LRFN5: variants seen among roughly 807,000 people sequenced by gnomAD.
LRFN5 encodes the protein leucine-rich repeat and fibronectin type-III domain-containing protein 5.
In LRFN5, 24 loss-of-function variants were observed where a neutral mutation model predicts 45.6. That is an observed-to-expected ratio of 0.53 (90% confidence interval 0.38 to 0.74). LRFN5 has a LOEUF of 0.74. LRFN5 is among the 30% of genes least tolerant of loss of function. The probability of loss-of-function intolerance (pLI) is 0.00; values close to 1 mark genes in which losing one functional copy is unlikely to be tolerated. For missense variants in LRFN5, 776 were observed against 861.5 expected (o/e 0.90, Z 1.24); for synonymous variants, 340 against 313.8 (o/e 1.08, Z -0.88).
At chr14:41,819,200 G>T (rs1888027464) in intron 2 of LRFN5, among the ~76,000 whole-genome samples, 1 of 152,106 alleles carries the variant, frequency 6.6e-6, no homozygotes, top group South Asian at 2.1e-4. Flanking sequence ...ACCAGTGCAG[G>T]TGTCACTTTT....
intron 2 of LRFN5, among the ~76,000 whole-genome samples, chr14:41,837,194 C>CAAAAAA (rs5808157): frequency 1.0e-3 from 76 of 75,358 alleles, no homozygotes; most frequent in Non-Finnish European, 1.2e-3. Context: ...ACACACTCCA[C>CAAAAAA]AAAAAAAAAA....
intron 2 of LRFN5, among the ~76,000 whole-genome samples, chr14:41,825,242 A>G (rs1469349963): frequency 6.6e-6 from 1 of 152,122 alleles, no homozygotes; most frequent in Non-Finnish European, 1.5e-5. Context: ...CCATCCACAG[A>G]CGCTTTTGCG....
intron 1 of LRFN5, among the ~76,000 whole-genome samples, chr14:41,721,298 A>G (rs148612266): frequency 6.6e-6 from 1 of 152,164 alleles, no homozygotes; most frequent in Non-Finnish European, 1.5e-5. Context: ...AAGACAGCAG[A>G]TGGATGAATC....
intron 2 of LRFN5, among the ~76,000 whole-genome samples, chr14:41,816,122 C>T (rs538967301): frequency 1.3e-5 from 2 of 151,838 alleles, no homozygotes; most frequent in African/African-American, 4.8e-5. Context: ...TCCCTTCCTC[C>T]GTCTCCCCCA....
intron 2 of LRFN5, among the ~76,000 whole-genome samples, chr14:41,797,966 A>G (rs898625984): frequency 3.3e-5 from 5 of 151,620 alleles, no homozygotes; most frequent in South Asian, 2.1e-4. Flanking sequence ...GTAGTTTTTC[A>G]TATCTTTATT....
intron 4 of LRFN5, chr14:41,894,961 T>A: frequency 4.1e-6 from 4 of 972,558 alleles, no homozygotes; most frequent in Non-Finnish European, 4.9e-6. Flanking sequence ...ATATGAAGAT[T>A]ATATATACAT....
intron 1 of LRFN5, among the ~76,000 whole-genome samples, chr14:41,625,184 C>T (rs956835006): frequency 4.6e-5 from 7 of 152,052 alleles, no homozygotes; most frequent in African/African-American, 9.7e-5. Context: ...TGTACTCTAA[C>T]GTTGATATGG....
At chr14:41,778,485 A>G (rs1886371492) in intron 2 of LRFN5, among the ~76,000 whole-genome samples, 2 of 151,726 alleles carry the variant, frequency 1.3e-5, no homozygotes, top group South Asian at 2.1e-4. Flanking sequence ...GTTGGTTTCT[A>G]TACTGCCATT....
chr14:41,860,051 G>C (rs1889607767), intron 2 of LRFN5, among the ~76,000 whole-genome samples: 1 of 152,062 alleles, frequency 6.6e-6, no homozygotes, highest in Non-Finnish European at 1.5e-5. Flanking sequence ...TCTGGACTTG[G>C]TTCCAAGGAC....
At chr14:41,730,338 A>G (rs1884117279) in intron 1 of LRFN5, among the ~76,000 whole-genome samples, 1 of 152,176 alleles carries the variant, frequency 6.6e-6, no homozygotes. Context: ...CCATGTCTCT[A>G]TTCCTTTCTA....
At chr14:41,737,555 C>A (rs1007942060) in intron 1 of LRFN5, among the ~76,000 whole-genome samples, 2 of 152,066 alleles carry the variant, frequency 1.3e-5, no homozygotes, top group African/African-American at 4.8e-5. Context: ...GAGAGGAAAT[C>A]AAATTATCTC....
intron 1 of LRFN5, among the ~76,000 whole-genome samples, chr14:41,637,317 G>A (rs995555467): frequency 6.6e-6 from 1 of 152,040 alleles, no homozygotes; most frequent in African/African-American, 2.4e-5. Context: ...ATGGTTTTCA[G>A]CTTGGTATGT....
At chr14:41,639,834 G>T (rs1879484770) in intron 1 of LRFN5, among the ~76,000 whole-genome samples, 1 of 151,688 alleles carries the variant, frequency 6.6e-6, no homozygotes, top group Admixed American at 6.6e-5. Context: ...CCAGGCTAGA[G>T]TGCAGTAATG....
At chr14:41,611,758 T>C (rs1887765410) in intron 1 of LRFN5, among the ~76,000 whole-genome samples, 1 of 152,170 alleles carries the variant, frequency 6.6e-6, no homozygotes, top group Non-Finnish European at 1.5e-5. Context: ...TTTTGAAATA[T>C]GAGATTCCTG....
chr14:41,801,616 A>C (rs1887336322), intron 2 of LRFN5, among the ~76,000 whole-genome samples: 1 of 152,192 alleles, frequency 6.6e-6, no homozygotes, highest in Non-Finnish European at 1.5e-5. Flanking sequence ...CTCTACAAGA[A>C]GGATCCTTGA....
chr14:41,621,875 A>G (rs1235278886), intron 1 of LRFN5, among the ~76,000 whole-genome samples: 1 of 152,078 alleles, frequency 6.6e-6, no homozygotes, highest in Non-Finnish European at 1.5e-5. Context: ...GTCGCTTCGC[A>G]TTATAGCAAC....
intron 1 of LRFN5, among the ~76,000 whole-genome samples, chr14:41,641,759 A>G (rs1299833241): frequency 6.6e-6 from 1 of 152,074 alleles, no homozygotes; most frequent in African/African-American, 2.4e-5. Flanking sequence ...ATATTTAGAT[A>G]GATGAAGGGT....
chr14:41,736,540 C>T (rs12437067), intron 1 of LRFN5, among the ~76,000 whole-genome samples: 25,368 of 151,934 alleles, frequency 0.17, 2,205 homozygotes, highest in Admixed American at 0.2. Context: ...TCCTATTCTA[C>T]ACATTGCCTG....
At chr14:41,742,217 T>C (rs1303083390) in intron 1 of LRFN5, among the ~76,000 whole-genome samples, 1 of 151,690 alleles carries the variant, frequency 6.6e-6, no homozygotes, top group Non-Finnish European at 1.5e-5. Context: ...TGTACTTTCA[T>C]GTTTATTTCA....
Sources: gnomAD v4.1 joint callset for allele counts (sites outside exome capture counted in the v4.1 genomes callset) on GRCh38, gnomAD v4.1.1 for gene constraint, MANE v1.5 for transcripts, NCBI Gene and HGNC (gene_info 2026-07-23, HGNC 2026-07-21) for gene names.